Variants in TOP3A observed in about 807,000 individuals in gnomAD.
TOP3A encodes DNA topoisomerase III alpha, also known as DNA topoisomerase 3-alpha.
TOP3A carries 64 observed loss-of-function variants against 111.3 expected under a neutral mutation model. That is an observed-to-expected ratio of 0.57 (90% CI 0.47 to 0.71). TOP3A has a LOEUF of 0.71. Among genes scored for constraint, TOP3A ranks in the 30% least tolerant of loss-of-function variants. TOP3A has a pLI of 0.00. For synonymous variants in TOP3A, 484 were observed against 485.1 expected (o/e 1.00, Z 0.03); for missense variants, 1,104 against 1,285.0 (o/e 0.86, Z 2.15).
chr17:18,297,421 GCCCTGT>G (rs1215870545), intron 9 of TOP3A, among the ~76,000 whole-genome samples: 15 of 133,406 alleles, frequency 1.1e-4, no homozygotes, highest in Admixed American at 7.1e-4. Context: ...GCGAAACTGC[GCCCTGT>G]CCCTGTCCCT....
At chr17:18,293,881 C>T (rs961801011) in intron 10 of TOP3A, among the ~76,000 whole-genome samples, 2 of 152,344 alleles carry the variant, frequency 1.3e-5, no homozygotes, top group South Asian at 4.1e-4. Context: ...AGGCGTGAGC[C>T]ACCACGCCCA....
chr17:18,305,203 C>T lies in TOP3A; in HGVS notation c.408G>A (p.Glu136=). The change falls in exon 5 of 19, where the codon GAG becomes GAA. Residue 136 remains glutamate, a synonymous_variant. Coordinates refer to ENST00000321105, the MANE Select transcript of TOP3A (RefSeq NM_004618.5). ...FVDIKKTLER[E]TRQCQALVIW... is the part of the protein sequence containing the mutation. ...TCACCAGAGCCTGGCACTGGCGAGTCTCTCGTTCCAAAGTTTTCTTAAGTT... is the reference window on the plus strand; with the variant it reads ...TCACCAGAGCCTGGCACTGGCGAGTTTCTCGTTCCAAAGTTTTCTTAAGTT... 2 of 1,614,150 alleles carry T rather than the reference C, an allele frequency of 1.2e-6. No homozygotes were observed. Among genetic ancestry groups the T allele is most frequent in the Non-Finnish European group, 1.7e-6 (2 of 1,180,014 alleles).
At chr17:18,308,624 A>G in intron 2 of TOP3A, 200 bp from the exon 3 acceptor site, 2 of 497,016 alleles carry the variant, frequency 4.0e-6, no homozygotes, top group Non-Finnish European at 7.1e-6. Context: ...TGTATAACTG[A>G]CGCCTCTTGC....
intron 18 of TOP3A, among the ~76,000 whole-genome samples, chr17:18,275,214 T>G (rs1046615540): frequency 1.4e-5 from 2 of 143,726 alleles, no homozygotes; most frequent in African/African-American, 2.7e-5. Flanking sequence ...CTCGGGAGGA[T>G]GCCTGAGCCT....
chr17:18,310,265 A>C (rs575514098), intron 1 of TOP3A, among the ~76,000 whole-genome samples: 2 of 152,034 alleles, frequency 1.3e-5, no homozygotes, highest in East Asian at 3.9e-4. Flanking sequence ...TCTCTACTAA[A>C]AATACAAAAA....
chr17:18,293,115 T>C (rs906328481), intron 10 of TOP3A, among the ~76,000 whole-genome samples: 3 of 152,304 alleles, frequency 2.0e-5, no homozygotes, highest in South Asian at 2.1e-4. Flanking sequence ...AGCAGCCTCA[T>C]AGCCTGGGGC....
At chr17:18,299,747 C>A (rs1374783676) in intron 8 of TOP3A, 114 bp from the exon 9 acceptor site, 12 of 943,124 alleles carry the variant, frequency 1.3e-5, no homozygotes, top group Non-Finnish European at 2.1e-5. Context: ...GCCAGCTAAG[C>A]CCGCAGTGAC....
rs989627393 is a variant in TOP3A, at chr17:18,302,145, G to A, written c.814+119C>T. The A allele has an allele frequency of 5.0e-5, 70 of 1,392,844 alleles. No individual in the cohort carries two copies. The East Asian group carries it at 1.2e-3, about 23-fold the overall frequency. 86.3% of individuals were successfully genotyped at this position (1,392,844 alleles called of 1,614,324 possible). A position where few individuals can be genotyped will look rare whatever the true frequency, so the allele number is the denominator to read the frequency against. On this transcript the variant is annotated intron_variant, in intron 7 of 18. Coordinates refer to ENST00000321105, the MANE Select transcript of TOP3A (RefSeq NM_004618.5). ...TTTAAGTGGATTGTAATGGGCCAGG[G>A]AGGATGACAGCAAGACTAAAATAAA...
At chr17:18,299,458 G>A (rs1457367342) in intron 9 of TOP3A, 101 bp downstream of exon 9, 13 of 984,408 alleles carry the variant, frequency 1.3e-5, no homozygotes, top group Non-Finnish European at 1.8e-5. Flanking sequence ...CTGGTGATGG[G>A]TGATATTTTC....
chr17:18,289,194 T>C (rs7207489), intron 13 of TOP3A, among the ~76,000 whole-genome samples: 1 of 152,222 alleles, frequency 6.6e-6, no homozygotes, highest in South Asian at 2.1e-4. Context: ...TGTATTTTTT[T>C]AGTAGTGATG....
chr17:18,276,796 C>T lies in TOP3A; in HGVS notation c.2827+879G>A, dbSNP rs192892817. Among the ~76,000 whole-genome samples, 10 of 152,330 alleles carry T rather than the reference C, an allele frequency of 6.6e-5. No homozygotes were observed. In the East Asian group the frequency reaches 1.7e-3, roughly 26 times the overall value. ...TTCAACTTGATGCAATGTCCAGGTG[C>T]CACTTCTCATGACACCCAGTTCCCG... On this transcript the variant is annotated intron_variant, in intron 18 of 18. Transcript: ENST00000321105.
intron 4 of TOP3A, among the ~76,000 whole-genome samples, chr17:18,305,475 A>AACGCACATAC (rs1555572047): frequency 1.4e-5 from 2 of 146,672 alleles, no homozygotes; most frequent in African/African-American, 5.1e-5. Flanking sequence ...ATTCAGCTCT[A>AACGCACATAC]ACACACACAC....
chr17:18,304,076 T>C (rs1164553313), intron 5 of TOP3A, among the ~76,000 whole-genome samples: 9 of 152,208 alleles, frequency 5.9e-5, no homozygotes, highest in Admixed American at 4.6e-4. Context: ...GCAATTCTCC[T>C]GCCTTGGTCT....
chr17:18,304,708 G>A (rs1375497138), intron 5 of TOP3A, among the ~76,000 whole-genome samples: 1 of 151,288 alleles, frequency 6.6e-6, no homozygotes, highest in Non-Finnish European at 1.5e-5. Flanking sequence ...TTCTATTTTT[G>A]CTTCCATTAA....
chr17:18,274,728 G>A lies in TOP3A; in HGVS notation c.*74C>T. 6.5e-7 allele frequency: 1 copy of A among 1,540,154 alleles called. No homozygotes were observed. Among genetic ancestry groups the A allele is most frequent in the Non-Finnish European group, 8.8e-7 (1 of 1,142,602 alleles). The stretch of plus-strand genomic sequence containing the variant: ...TTTCCAGGACACTAAATGGCCACTT[G>A]GTCCTGGTTAACTCATTTCTAAACA... On this transcript the variant is annotated 3_prime_UTR_variant, in exon 19 of 19. Coordinates refer to ENST00000321105, the MANE Select transcript of TOP3A (RefSeq NM_004618.5).
In TOP3A at chr17:18,274,103, A is replaced by G. The variant is rs951551847; in HGVS notation, c.*699T>C. On this transcript the variant is annotated 3_prime_UTR_variant, in exon 19 of 19. Coordinates refer to ENST00000321105, the MANE Select transcript of TOP3A (RefSeq NM_004618.5). ...AGGCGCACACCGCCACACCTGGCTAATTTTTTGTATTTTAGTAGAGACAGG... is the reference window on the plus strand; with the variant it reads ...AGGCGCACACCGCCACACCTGGCTAGTTTTTTGTATTTTAGTAGAGACAGG... The G allele has an allele frequency of 1.3e-5, 2 of 151,402 alleles. No individual in the cohort carries two copies. The highest frequency in any genetic ancestry group is 2.9e-5 in the Non-Finnish European group (2 of 67,886). The allele number at this position is 151,402 out of a possible 1,614,324, so 9.4% of individuals were successfully genotyped here.
rs1982162241 is a variant in TOP3A at position 18,314,879 on chromosome 17, T to A, written c.-101A>T. On this transcript the variant is annotated 5_prime_UTR_variant, in exon 1 of 19. Coordinates refer to ENST00000321105, the MANE Select transcript of TOP3A (RefSeq NM_004618.5). ...CGCCCACCGAAAGGGAACCAGAGCC[T>A]CGCTTCGGTCACGTCCCCACCAGCC... 1 of 689,856 alleles carries A rather than the reference T, an allele frequency of 1.4e-6. No homozygotes were observed. Among genetic ancestry groups the A allele is most frequent in the Non-Finnish European group, 2.2e-6 (1 of 462,824 alleles). 42.7% of individuals were successfully genotyped at this position (689,856 alleles called of 1,614,324 possible).
chr17:18,310,592 C>G (rs138402671), intron 1 of TOP3A, among the ~76,000 whole-genome samples: 2 of 151,994 alleles, frequency 1.3e-5, no homozygotes, highest in African/African-American at 2.4e-5. Context: ...GGAAAGAAGG[C>G]AGATTCGTGG....
intron 1 of TOP3A, among the ~76,000 whole-genome samples, chr17:18,309,253 G>T (rs1488388200): frequency 6.6e-6 from 1 of 152,174 alleles, no homozygotes; most frequent in Admixed American, 6.5e-5. Flanking sequence ...TGGAGAAATT[G>T]GACATTGTCA....
Sources: gnomAD v4.1 joint callset for allele counts (sites outside exome capture counted in the v4.1 genomes callset) on GRCh38, gnomAD v4.1.1 for gene constraint, MANE v1.5 for transcripts, NCBI Gene and HGNC (gene_info 2026-07-23, HGNC 2026-07-21) for gene names.